KCNQ5: variants seen among roughly 807,000 people sequenced by gnomAD.
KCNQ5 encodes potassium voltage-gated channel subfamily Q member 5.
In KCNQ5, 30 loss-of-function variants were observed where a neutral mutation model predicts 98.2. The ratio of observed to expected loss-of-function variants is 0.31; its 90% CI spans 0.23 to 0.41. The LOEUF (loss-of-function observed/expected upper bound fraction) is 0.41. KCNQ5 is among the 10% of genes least tolerant of loss of function. KCNQ5 has a pLI of 1.00. For missense variants in KCNQ5, 835 were observed against 1,182.5 expected (o/e 0.71, Z 4.31); for synonymous variants, 458 against 449.4 (o/e 1.02, Z -0.24).
At chr6:72,978,949 T>C (rs1036632097) in intron 1 of KCNQ5, among the ~76,000 whole-genome samples, 4 of 152,222 alleles carry the variant, frequency 2.6e-5, no homozygotes, top group East Asian at 1.9e-4. Flanking sequence ...GTCCTTGTGA[T>C]AGTTTGCTCA....
At chr6:73,032,972 A>T (rs569316004) in intron 2 of KCNQ5, among the ~76,000 whole-genome samples, 2 of 152,200 alleles carry the variant, frequency 1.3e-5, no homozygotes, top group East Asian at 3.9e-4. Flanking sequence ...TACAGAACAT[A>T]AAACGTAAAG....
At chr6:72,958,396 T>C (rs1187053992) in intron 1 of KCNQ5, among the ~76,000 whole-genome samples, 1 of 152,228 alleles carries the variant, frequency 6.6e-6, no homozygotes, top group Non-Finnish European at 1.5e-5. Context: ...TTGTTTTTCA[T>C]GTGAGGTTTA....
At chr6:72,845,882 A>C (rs192199033) in intron 1 of KCNQ5, among the ~76,000 whole-genome samples, 1 of 152,180 alleles carries the variant, frequency 6.6e-6, no homozygotes, top group Admixed American at 6.6e-5. Context: ...AGCTGCATTT[A>C]TGGAATGCTT....
chr6:73,036,310 A>T (rs1377046498), intron 2 of KCNQ5, among the ~76,000 whole-genome samples: 1 of 146,142 alleles, frequency 6.8e-6, no homozygotes, highest in South Asian at 2.2e-4. Flanking sequence ...GGCATTAACC[A>T]GGGAGGTGGA....
chr6:73,068,636 T>C (rs190575323), intron 3 of KCNQ5, among the ~76,000 whole-genome samples: 84 of 152,308 alleles, frequency 5.5e-4, no homozygotes, highest in Middle Eastern at 3.4e-3. Flanking sequence ...AACCCAGCTA[T>C]TAAGCAGCAG....
chr6:73,162,283 C>T (rs1777646204), intron 10 of KCNQ5, among the ~76,000 whole-genome samples: 1 of 152,090 alleles, frequency 6.6e-6, no homozygotes, highest in African/African-American at 2.4e-5. Flanking sequence ...ATCCTTAACA[C>T]TGCTAATCAA....
At chr6:72,830,931 G>A (rs1255841699) in intron 1 of KCNQ5, among the ~76,000 whole-genome samples, 1 of 152,116 alleles carries the variant, frequency 6.6e-6, no homozygotes, top group African/African-American at 2.4e-5. Flanking sequence ...GATATGAACA[G>A]ACATTTCTCA....
chr6:72,918,193 G>A (rs1780245617), intron 1 of KCNQ5, among the ~76,000 whole-genome samples: 1 of 152,074 alleles, frequency 6.6e-6, no homozygotes, highest in Admixed American at 6.6e-5. Flanking sequence ...ACTGGTGCAT[G>A]CACTCCTCTC....
rs190264270 is a variant in KCNQ5, at chr6:72,645,709, A to G, written c.398+23122A>G. 3.8e-3 allele frequency among the ~76,000 whole-genome samples: 577 copies of G among 152,236 alleles called. 5 individuals carry two copies. The highest frequency in any genetic ancestry group is 0.033 in the South Asian group (161 of 4,826). ...AGAGTTCTTGGATCTCACCTTCCTC[A>G]GGATGTCCAGACTCAAGAGCATTCA... On this transcript the variant is annotated intron_variant, in intron 1 of 13. Coordinates refer to ENST00000370398, the MANE Select transcript of KCNQ5 (RefSeq NM_019842.4).
intron 1 of KCNQ5, among the ~76,000 whole-genome samples, chr6:72,643,299 T>G (rs765387926): frequency 9.2e-5 from 14 of 152,148 alleles, no homozygotes; most frequent in Non-Finnish European, 1.6e-4. Flanking sequence ...CATGGAGATT[T>G]GTACACAAAC....
chr6:72,943,843 T>C (rs1231817598), intron 1 of KCNQ5, among the ~76,000 whole-genome samples: 2 of 152,222 alleles, frequency 1.3e-5, no homozygotes, highest in Non-Finnish European at 2.9e-5. Context: ...GCACTGTGCA[T>C]GAGCAAGAGA....
At chr6:72,695,337 AT>A (rs1466281228) in intron 1 of KCNQ5, among the ~76,000 whole-genome samples, 1 of 152,068 alleles carries the variant, frequency 6.6e-6, no homozygotes, top group East Asian at 1.9e-4. Context: ...TTTTATTTCT[AT>A]TTTTTCTTTA....
chr6:72,930,013 C>T (rs1197105159), intron 1 of KCNQ5, among the ~76,000 whole-genome samples: 5 of 152,048 alleles, frequency 3.3e-5, no homozygotes, highest in Non-Finnish European at 7.4e-5. Context: ...TAACTGGTAA[C>T]TATTTGTGCT....
intron 5 of KCNQ5, among the ~76,000 whole-genome samples, chr6:73,091,225 G>A (rs1254030473): frequency 2.6e-5 from 4 of 152,036 alleles, no homozygotes; most frequent in Non-Finnish European, 5.9e-5. Context: ...CTCAAGAAGA[G>A]AAAACCAAAC....
chr6:72,830,974 G>GA (rs1214452911), intron 1 of KCNQ5, among the ~76,000 whole-genome samples: 1 of 152,076 alleles, frequency 6.6e-6, no homozygotes, highest in Admixed American at 6.6e-5. Flanking sequence ...ACAGACACAT[G>GA]AAAAAAATGC....
intron 3 of KCNQ5, among the ~76,000 whole-genome samples, chr6:73,068,374 T>C (rs1051322455): frequency 6.6e-6 from 1 of 152,202 alleles, no homozygotes; most frequent in Non-Finnish European, 1.5e-5. Flanking sequence ...TAATCAGTTA[T>C]TTAAATAATG....
intron 1 of KCNQ5, among the ~76,000 whole-genome samples, chr6:72,649,306 C>A (rs552495989): frequency 6.6e-6 from 1 of 152,210 alleles, no homozygotes; most frequent in Non-Finnish European, 1.5e-5. Flanking sequence ...CAGACATGCA[C>A]GTGTATGTGC....
At chr6:72,968,768 A>G (rs1331481563) in intron 1 of KCNQ5, among the ~76,000 whole-genome samples, 3 of 152,220 alleles carry the variant, frequency 2.0e-5, no homozygotes, top group African/African-American at 7.2e-5. Context: ...TGCAATATTT[A>G]CAAACATAGA....
chr6:72,868,820 A>G (rs1021117425), intron 1 of KCNQ5, among the ~76,000 whole-genome samples: 1 of 152,212 alleles, frequency 6.6e-6, no homozygotes, highest in African/African-American at 2.4e-5. Flanking sequence ...GGTAATGAAA[A>G]TAGGGATTCA....
Sources: gnomAD v4.1 joint callset for allele counts (sites outside exome capture counted in the v4.1 genomes callset) on GRCh38, gnomAD v4.1.1 for gene constraint, MANE v1.5 for transcripts, NCBI Gene and HGNC (gene_info 2026-07-23, HGNC 2026-07-21) for gene names.